Variants in KCNT2 observed in about 807,000 individuals in gnomAD.
The protein encoded by KCNT2 is potassium sodium-activated channel subfamily T member 2.
In KCNT2, 67 loss-of-function variants were observed where a neutral mutation model predicts 153.8. That is an observed-to-expected ratio of 0.44 (90% CI 0.36 to 0.53). The LOEUF is 0.53. KCNT2 is among the 20% of genes least tolerant of loss of function. KCNT2 has a pLI of 0.00. For missense variants in KCNT2, 975 were observed against 1,354.8 expected, an observed-to-expected ratio of 0.72 and a Z score of 4.40; for synonymous variants, 500 against 458.8, an observed-to-expected ratio of 1.09 and a Z score of -1.15.
intron 21 of KCNT2, among the ~76,000 whole-genome samples, chr1:196,313,446 A>G (rs565445072): frequency 6.6e-6 from 1 of 151,704 alleles, no homozygotes; most frequent in African/African-American, 2.4e-5. Flanking sequence ...GGCAAGAGTC[A>G]TAGTAAATCA....
At chr1:196,481,754 C>G (rs1171802240) in intron 4 of KCNT2, among the ~76,000 whole-genome samples, 1 of 152,108 alleles carries the variant, frequency 6.6e-6, no homozygotes, top group East Asian at 1.9e-4. Flanking sequence ...GGGAACACCT[C>G]AACAATATAA....
In KCNT2 at chr1:196,300,808, T is replaced by C. The variant is rs142538827; in HGVS notation, c.2595+4426A>G. The stretch of plus-strand genomic sequence containing the variant: ...TCTTTTGTTACAGGGACCTCTGCCA[T>C]GAACCTTGCAATGGGTGAGAAATTT... On this transcript the variant is annotated intron_variant, in intron 22 of 27. Transcript: ENST00000294725. Among the ~76,000 whole-genome samples, 67 of 152,276 alleles carry C rather than the reference T, an allele frequency of 4.4e-4. No homozygotes were observed. The East Asian group carries it at 0.01, about 24-fold the overall frequency.
At chr1:196,256,783 A>T (rs1251986097) in intron 26 of KCNT2, among the ~76,000 whole-genome samples, 1 of 151,378 alleles carries the variant, frequency 6.6e-6, no homozygotes. Flanking sequence ...GAAGCGTTTG[A>T]ACCAAAGCAA....
rs546857762 is a variant in KCNT2 at position 196,594,432 on chromosome 1, T to C, written c.95+13783A>G. Among the ~76,000 whole-genome samples, 7 of 152,252 alleles carry C rather than the reference T, an allele frequency of 4.6e-5. No individual in the cohort carries two copies. In the South Asian group the frequency reaches 1.5e-3, roughly 32 times the overall value. On this transcript the variant is annotated intron_variant, in intron 1 of 27. Transcript: ENST00000294725. ...TTATAATAATGTACACATATATATG[T>C]GGTGGCCTATATATTCATAGCTGTG...
At chr1:196,563,796 T>A (rs1659744761) in intron 1 of KCNT2, among the ~76,000 whole-genome samples, 1 of 151,560 alleles carries the variant, frequency 6.6e-6, no homozygotes, top group Non-Finnish European at 1.5e-5. Flanking sequence ...CAGAAAAAAA[T>A]TTGAAAGAAT....
At chr1:196,493,599 C>T (rs967222522) in intron 1 of KCNT2, among the ~76,000 whole-genome samples, 17 of 151,908 alleles carry the variant, frequency 1.1e-4, no homozygotes, top group African/African-American at 3.9e-4. Context: ...ATGTGCAGAA[C>T]GTGCAGGTTT....
intron 1 of KCNT2, among the ~76,000 whole-genome samples, chr1:196,555,213 A>T (rs1658483145): frequency 6.6e-6 from 1 of 151,386 alleles, no homozygotes; most frequent in Non-Finnish European, 1.5e-5. Flanking sequence ...TTATTTGCAG[A>T]TGATACTTAT....
At chr1:196,257,408 T>A in intron 26 of KCNT2, 1 of 972,218 alleles carries the variant, frequency 1.0e-6, no homozygotes, top group African/African-American at 1.8e-5. Flanking sequence ...ACCTTCTATT[T>A]GATTCTTAAC....
chr1:196,496,242 G>T (rs1572640563), intron 1 of KCNT2, among the ~76,000 whole-genome samples: 1 of 152,090 alleles, frequency 6.6e-6, no homozygotes, highest in East Asian at 1.9e-4. Flanking sequence ...GGCCGAGGCG[G>T]GTGGATCACG....
chr1:196,266,070 G>A (rs1156565258), intron 25 of KCNT2, among the ~76,000 whole-genome samples: 1 of 152,116 alleles, frequency 6.6e-6, no homozygotes, highest in Non-Finnish European at 1.5e-5. Context: ...GGATACACAG[G>A]AGAAAACAAA....
chr1:196,468,289 A>T (rs2148667103), intron 6 of KCNT2, among the ~76,000 whole-genome samples: 1 of 152,228 alleles, frequency 6.6e-6, no homozygotes, highest in South Asian at 2.1e-4. Context: ...AAATCACTCA[A>T]ATTAAAATAA....
At chr1:196,475,449 C>A (rs1315642674) in intron 5 of KCNT2, among the ~76,000 whole-genome samples, 1 of 151,988 alleles carries the variant, frequency 6.6e-6, no homozygotes, top group Non-Finnish European at 1.5e-5. Context: ...AAAACCCCAT[C>A]TCTTAAAAAA....
intron 21 of KCNT2, among the ~76,000 whole-genome samples, chr1:196,309,265 T>C (rs1280085536): frequency 6.6e-6 from 1 of 152,004 alleles, no homozygotes; most frequent in Non-Finnish European, 1.5e-5. Flanking sequence ...AAAATATGTA[T>C]TTTATCTTTG....
intron 1 of KCNT2, among the ~76,000 whole-genome samples, chr1:196,570,335 C>T (rs1276929195): frequency 6.6e-6 from 1 of 151,968 alleles, no homozygotes. Context: ...CATTTGATTA[C>T]ATAATTTTAA....
chr1:196,348,915 T>C (rs1666373113), intron 14 of KCNT2, among the ~76,000 whole-genome samples: 1 of 151,754 alleles, frequency 6.6e-6, no homozygotes, highest in Admixed American at 6.6e-5. Context: ...TGGTGGTGCA[T>C]GCCTGTAATC....
At chr1:196,450,879 A>G (rs1314621667) in intron 8 of KCNT2, among the ~76,000 whole-genome samples, 1 of 151,898 alleles carries the variant, frequency 6.6e-6, no homozygotes, top group East Asian at 1.9e-4. Context: ...TCCTCTGCCT[A>G]GCACACTTTA....
intron 8 of KCNT2, among the ~76,000 whole-genome samples, chr1:196,437,129 TA>T (rs1429562401): frequency 1.7e-5 from 1 of 57,270 alleles, no homozygotes; most frequent in African/African-American, 6.8e-5. Context: ...TAGATTGCAA[TA>T]AATTTTTTAA....
intron 13 of KCNT2, among the ~76,000 whole-genome samples, chr1:196,377,444 A>T (rs1005594157): frequency 6.6e-6 from 1 of 152,074 alleles, no homozygotes; most frequent in Admixed American, 6.6e-5. Flanking sequence ...ATAGAAATGC[A>T]TACTGTAGAA....
At chr1:196,436,636 TA>T (rs990091005) in intron 8 of KCNT2, among the ~76,000 whole-genome samples, 6 of 151,404 alleles carry the variant, frequency 4.0e-5, no homozygotes, top group Non-Finnish European at 7.4e-5. Context: ...GAGCTATTAT[TA>T]AATGAAAACT....
Sources: gnomAD v4.1 joint callset for allele counts (sites outside exome capture counted in the v4.1 genomes callset) on GRCh38, gnomAD v4.1.1 for gene constraint, MANE v1.5 for transcripts, NCBI Gene and HGNC (gene_info 2026-07-23, HGNC 2026-07-21) for gene names.